Variants in ADGRL3 observed in about 807,000 individuals in gnomAD.
ADGRL3 encodes the protein adhesion G protein-coupled receptor L3, also known as calcium-independent alpha-latrotoxin receptor 3.
A neutral mutation model predicts 153.5 loss-of-function variants in ADGRL3; 62 were observed. That is an observed-to-expected ratio of 0.40 (90% confidence interval 0.33 to 0.50). The LOEUF (loss-of-function observed/expected upper bound fraction) is 0.50. Among genes scored for constraint, ADGRL3 ranks in the 20% least tolerant of loss-of-function variants. The probability of loss-of-function intolerance (pLI) is 0.47; values close to 1 mark genes in which losing one functional copy is unlikely to be tolerated. For missense variants in ADGRL3, 1,641 were observed against 1,859.4 expected (o/e 0.88, Z 2.16); for synonymous variants, 710 against 672.5 (o/e 1.06, Z -0.86).
At chr4:61,481,629 C>G (rs1452350183) in intron 2 of ADGRL3, among the ~76,000 whole-genome samples, 2 of 149,694 alleles carry the variant, frequency 1.3e-5, no homozygotes, top group East Asian at 2.0e-4. Context: ...TTTTTTTTGT[C>G]GAGACCACAT....
At chr4:61,802,492 C>G (rs2097510001) in intron 8 of ADGRL3, among the ~76,000 whole-genome samples, 2 of 152,166 alleles carry the variant, frequency 1.3e-5, no homozygotes, top group African/African-American at 4.8e-5. Context: ...TGACTACGGG[C>G]ATCTTCAAAC....
intron 5 of ADGRL3, among the ~76,000 whole-genome samples, chr4:61,640,699 A>G (rs1445935667): frequency 6.6e-6 from 1 of 152,194 alleles, no homozygotes. Context: ...AGAAAACTCT[A>G]TTGACTTCCA....
rs2094530901 is a variant in ADGRL3, at chr4:61,659,457, A to G, written c.474-17369A>G. On this transcript the variant is annotated intron_variant, in intron 5 of 26. Coordinates refer to ENST00000683033, the MANE Select transcript of ADGRL3 (RefSeq NM_001387552.1). ...CCATGTCTAATTTGTATTTGTTCCC[A>G]GCAGTGGACACATGGTAGTCTTTTA... 2.6e-5 allele frequency among the ~76,000 whole-genome samples: 4 copies of G among 152,156 alleles called. No homozygotes were observed. In the South Asian group the frequency reaches 8.3e-4, roughly 31 times the overall value.
At chr4:61,886,028 A>G (rs556857535) in intron 9 of ADGRL3, among the ~76,000 whole-genome samples, 1 of 152,312 alleles carries the variant, frequency 6.6e-6, no homozygotes, top group Admixed American at 6.5e-5. Context: ...TAGCTTCCTC[A>G]ATATCCTTGC....
chr4:61,724,746 A>C (rs2096296695), intron 6 of ADGRL3, among the ~76,000 whole-genome samples: 1 of 152,218 alleles, frequency 6.6e-6, no homozygotes, highest in Non-Finnish European at 1.5e-5. Context: ...GCAATATACC[A>C]AAAAATTGAA....
chr4:61,364,011 T>G (rs1451433401), intron 1 of ADGRL3, among the ~76,000 whole-genome samples: 4 of 151,988 alleles, frequency 2.6e-5, no homozygotes, highest in African/African-American at 9.7e-5. Context: ...AAATAATATA[T>G]GCCGTCCTCT....
rs1385628492 is a variant in ADGRL3, at chr4:61,634,066, A to G, written c.474-42760A>G. On this transcript the variant is annotated intron_variant, in intron 5 of 26. Coordinates refer to ENST00000683033, the MANE Select transcript of ADGRL3 (RefSeq NM_001387552.1). ...ACACTGGACCTATATTGCAATTTTG[A>G]GTTTTAAAGTATGAGTATTGTTTTG... 7.0e-4 allele frequency among the ~76,000 whole-genome samples: 106 copies of G among 151,858 alleles called. 2 individuals carry two copies. The highest frequency in any genetic ancestry group is 2.5e-3 in the African/African-American group (101 of 41,218).
In ADGRL3 at chr4:61,566,404, G is replaced by A. The variant is rs576784629; in HGVS notation, c.260-20823G>A. Among the ~76,000 whole-genome samples, 5 of 152,114 alleles carry A rather than the reference G, an allele frequency of 3.3e-5. No homozygotes were observed. In the South Asian group the frequency reaches 8.3e-4, roughly 25 times the overall value. On this transcript the variant is annotated intron_variant, in intron 4 of 26. Transcript: ENST00000683033. ...TCTTCCAATAAGGTCTTGTTCTTAAGTACTGGGGGTTGGGACTTCAATATA... is the reference window on the plus strand; with the variant it reads ...TCTTCCAATAAGGTCTTGTTCTTAAATACTGGGGGTTGGGACTTCAATATA...
chr4:61,527,116 T>C (rs149753247), intron 4 of ADGRL3, among the ~76,000 whole-genome samples: 40 of 152,162 alleles, frequency 2.6e-4, no homozygotes, highest in African/African-American at 9.1e-4. Context: ...CATTAGTACT[T>C]TCGTAATTTA....
intron 8 of ADGRL3, among the ~76,000 whole-genome samples, chr4:61,787,670 G>A (rs1456079021): frequency 1.3e-5 from 2 of 151,530 alleles, no homozygotes; most frequent in African/African-American, 4.8e-5. Flanking sequence ...CTTCTTTTTT[G>A]TTTATGAATA....
intron 9 of ADGRL3, 149 bp from the exon 10 acceptor site, chr4:61,892,507 C>T (rs2098595949): frequency 9.8e-6 from 6 of 613,858 alleles, no homozygotes; most frequent in Non-Finnish European, 1.7e-5. Flanking sequence ...TTATTTTTGC[C>T]ATGTTTAAAA....
chr4:61,752,147 C>T (rs2152069121), intron 8 of ADGRL3, among the ~76,000 whole-genome samples: 1 of 152,154 alleles, frequency 6.6e-6, no homozygotes, highest in East Asian at 1.9e-4. Context: ...GTATTTTGTT[C>T]CTGCTCTTAT....
At chr4:61,410,086 G>C (rs1242294085) in intron 2 of ADGRL3, among the ~76,000 whole-genome samples, 2 of 151,872 alleles carry the variant, frequency 1.3e-5, no homozygotes, top group Admixed American at 6.6e-5. Context: ...GATGGAATAA[G>C]TTAAATTGTG....
At chr4:61,279,584 G>A (rs2093632387) in intron 1 of ADGRL3, among the ~76,000 whole-genome samples, 1 of 152,084 alleles carries the variant, frequency 6.6e-6, no homozygotes, top group Non-Finnish European at 1.5e-5. Flanking sequence ...GCTATCTAAG[G>A]CCACATCTAT....
At chr4:61,240,890 G>T (rs535058768) in intron 1 of ADGRL3, among the ~76,000 whole-genome samples, 2 of 152,002 alleles carry the variant, frequency 1.3e-5, no homozygotes, top group African/African-American at 4.8e-5. Context: ...TTTGTTGAAT[G>T]AAATAATGAA....
chr4:61,672,829 T>A (rs1207413778), intron 5 of ADGRL3, among the ~76,000 whole-genome samples: 1 of 152,024 alleles, frequency 6.6e-6, no homozygotes, highest in Non-Finnish European at 1.5e-5. Context: ...TGGGTATGGA[T>A]ATGTAAAAGA....
At chr4:61,767,383 T>C (rs11131344) in intron 8 of ADGRL3, among the ~76,000 whole-genome samples, 104,860 of 151,156 alleles carry the variant, frequency 0.69, 36,501 homozygotes, top group East Asian at 0.78. Context: ...TGGCCATCAA[T>C]ACCCACAACA....
intron 17 of ADGRL3, among the ~76,000 whole-genome samples, chr4:61,971,545 T>A (rs2099027719): frequency 6.6e-6 from 1 of 152,140 alleles, no homozygotes; most frequent in Non-Finnish European, 1.5e-5. Context: ...ATTTTCTTAA[T>A]CCAGTCTATC....
intron 17 of ADGRL3, among the ~76,000 whole-genome samples, 154 bp downstream of exon 17, chr4:61,948,430 G>T (rs189609472): frequency 1.5e-4 from 23 of 152,210 alleles, no homozygotes; most frequent in African/African-American, 5.3e-4. Flanking sequence ...CCATATCCTT[G>T]TGGATGATTC....
Sources: allele counts gnomAD v4.1 joint callset (sites outside exome capture counted in the v4.1 genomes callset), GRCh38; gene constraint gnomAD v4.1.1; transcripts MANE v1.5; gene names NCBI Gene and HGNC (gene_info 2026-07-23, HGNC 2026-07-21).